The following SOX4 variants were observed in gnomAD, a reference collection of about 807,000 sequenced individuals.
The protein encoded by SOX4 is SRY-box transcription factor 4, also known as transcription factor SOX-4.
For missense variants in SOX4, 662 were observed against 694.9 expected (o/e 0.95, Z 0.53); for synonymous variants, 465 against 348.4 (o/e 1.33, Z -3.73).
In SOX4 at chr6:21,596,087, G is replaced by C; in HGVS notation, c.*128G>C. The C allele has an allele frequency of 7.4e-7, 1 of 1,353,768 alleles. No individual in the cohort carries two copies. The highest frequency in any genetic ancestry group is 9.6e-7 in the Non-Finnish European group (1 of 1,045,246). The allele number at this position is 1,353,768 out of a possible 1,614,324, so 83.9% of individuals were successfully genotyped here. On this transcript the variant is annotated 3_prime_UTR_variant, in exon 1 of 1. Coordinates refer to ENST00000244745, the MANE Select transcript of SOX4 (RefSeq NM_003107.3). ...GGAAAAAAGAAAGAAAAAGTAAGCA[G>C]GGCTGGCTTCGCCCGCGTTCTCGTC... is the stretch of plus-strand genomic sequence containing the variant.
Position 21,595,674 on chromosome 6 carries a change from C to G in SOX4, c.1140C>G (p.Ser380=). The G allele has an allele frequency of 6.4e-7, 1 of 1,563,234 alleles. No homozygotes were observed. The highest frequency in any genetic ancestry group is 2.4e-5 in the East Asian group (1 of 41,382). The change falls in exon 1 of 1, where the codon TCC becomes TCG. Residue 380 remains serine, a synonymous_variant. Coordinates refer to ENST00000244745, the MANE Select transcript of SOX4 (RefSeq NM_003107.3). ...CCAGCGCGCCCTCGCACGCGTCCTC[C>G]TCGGCCTCGTCCCACTCCTCCTCTT... ...APSSAPSHAS[S]SASSHSSSSS...
Position 21,597,003 on chromosome 6 carries a change from A to ATTT in SOX4, c.*1049_*1051dup, listed in dbSNP as rs1447830264. On this transcript the variant is annotated 3_prime_UTR_variant, in exon 1 of 1. Coordinates refer to ENST00000244745, the MANE Select transcript of SOX4 (RefSeq NM_003107.3). Reference sequence around the variant, plus strand: ...AAAGAAAAAAAAAGAAAAAAAAAAGATTTTTTTCTTCTCTTAATCGGAATC... The same window carrying ATTT: ...AAAGAAAAAAAAAGAAAAAAAAAAGATTTTTTTTTTCTTCTCTTAATCGGAATC... The ATTT allele has an allele frequency of 1.2e-5, 2 of 166,004 alleles. No individual in the cohort carries two copies. The highest frequency in any genetic ancestry group is 2.9e-5 in the Non-Finnish European group (2 of 67,952). The allele number at this position is 166,004 out of a possible 1,614,324, so 10.3% of individuals were successfully genotyped here.
Position 21,594,564 on chromosome 6 carries a change from C to G in SOX4, c.30C>G (p.Asn10Lys), listed in dbSNP as rs1561756825. The change falls in exon 1 of 1, where the codon AAC (asparagine) becomes AAG (lysine). Residue 10 changes from asparagine (N) to lysine (K), a missense_variant. By Grantham distance (94) the Asn-to-Lys change is moderately conservative (BLOSUM62 0). Coordinates refer to ENST00000244745, the MANE Select transcript of SOX4 (RefSeq NM_003107.3). The part of the protein sequence containing the change: MVQQTNNAE[N>K]TEALLAGESS... ...TGCAGCAAACCAACAATGCCGAGAA[C>G]ACGGAAGCGCTGCTGGCCGGCGAGA... The G allele has an allele frequency of 6.2e-7, 1 of 1,607,036 alleles. No homozygotes were observed. The highest frequency in any genetic ancestry group is 1.1e-5 in the South Asian group (1 of 90,590).
rs566769836 is a variant in SOX4 at position 21,598,153 on chromosome 6, C to T, written c.*2194C>T. On this transcript the variant is annotated 3_prime_UTR_variant, in exon 1 of 1. Transcript: ENST00000244745. ...GACACTATGTACTGCGTTTTTCATTCTTGTATTTGACTATTTAATCCTTTC... is the reference window on the plus strand; with the variant it reads ...GACACTATGTACTGCGTTTTTCATTTTTGTATTTGACTATTTAATCCTTTC... 1 of 166,858 alleles carries T rather than the reference C, an allele frequency of 6.0e-6. No individual in the cohort carries two copies. The highest frequency in any genetic ancestry group is 2.1e-4 in the South Asian group (1 of 4,818). The allele number at this position is 166,858 out of a possible 1,614,324, so 10.3% of individuals were successfully genotyped here. A position where few individuals can be genotyped will look rare whatever the true frequency, so the allele number is the denominator to read the frequency against.
rs1003814845 is a variant in SOX4 at position 21,596,675 on chromosome 6, A to AGG, written c.*717_*718dup. 1 of 166,798 alleles carries AGG rather than the reference A, an allele frequency of 6.0e-6. No homozygotes were observed. The highest frequency in any genetic ancestry group is 2.4e-5 in the African/African-American group (1 of 41,278). The allele number at this position is 166,798 out of a possible 1,614,324, so 10.3% of individuals were successfully genotyped here. A position where few individuals can be genotyped will look rare whatever the true frequency, so the allele number is the denominator to read the frequency against. ...CGGAGGAGGAGATGTTGAGGGGAGGAGGCCAGCCAGTGTGACCGGCGCTAG... is the reference window on the plus strand; with the variant it reads ...CGGAGGAGGAGATGTTGAGGGGAGGAGGGGCCAGCCAGTGTGACCGGCGCTAG... On this transcript the variant is annotated 3_prime_UTR_variant, in exon 1 of 1. Transcript: ENST00000244745.
rs1444933804 is a variant in SOX4 at position 21,597,200 on chromosome 6, T to A, written c.*1241T>A. The A allele has an allele frequency of 1.2e-5, 2 of 166,860 alleles. No homozygotes were observed. The highest frequency in any genetic ancestry group is 4.8e-5 in the African/African-American group (2 of 41,414). 10.3% of individuals were successfully genotyped at this position (166,860 alleles called of 1,614,324 possible). On this transcript the variant is annotated 3_prime_UTR_variant, in exon 1 of 1. Transcript: ENST00000244745. ...TCCTACAACGAAATTATCACCAGCT[T>A]TTTTTCATTCTTAACTCTTTAAAGG...
In SOX4 at chr6:21,596,019, A is replaced by G; in HGVS notation, c.*60A>G. 10 of 1,440,560 alleles carry G rather than the reference A, an allele frequency of 6.9e-6. No homozygotes were observed. Among genetic ancestry groups the G allele is most frequent in the South Asian group, 3.0e-5 (2 of 66,810 alleles). The allele number at this position is 1,440,560 out of a possible 1,614,324, so 89.2% of individuals were successfully genotyped here. A position where few individuals can be genotyped will look rare whatever the true frequency, so the allele number is the denominator to read the frequency against. On this transcript the variant is annotated 3_prime_UTR_variant, in exon 1 of 1. Coordinates refer to ENST00000244745, the MANE Select transcript of SOX4 (RefSeq NM_003107.3). ...TAGGAGAGGAGAAAAAAAAAGTGAA[A>G]AAAAGAAACGAAAAGGACAGACGAA...
In SOX4 at chr6:21,594,149, C is replaced by A; in HGVS notation, c.-386C>A. 1 of 187,390 alleles carries A rather than the reference C, an allele frequency of 5.3e-6. No homozygotes were observed. Among genetic ancestry groups the A allele is most frequent in the Non-Finnish European group, 1.1e-5 (1 of 91,962 alleles). The allele number at this position is 187,390 out of a possible 1,614,324, so 11.6% of individuals were successfully genotyped here. A position where few individuals can be genotyped will look rare whatever the true frequency, so the allele number is the denominator to read the frequency against. On this transcript the variant is annotated 5_prime_UTR_variant, in exon 1 of 1. The change creates a new upstream start codon in the 5' untranslated region. Transcript: ENST00000244745. Reference sequence around the variant, plus strand: ...AGAAAAAAAAAAAAAAAAGACTTGCCTGGGAGGCCGCGAGAAACTTGCATT... The same window carrying A: ...AGAAAAAAAAAAAAAAAAGACTTGCATGGGAGGCCGCGAGAAACTTGCATT...
At position 21,596,973 on chromosome 6, in the gene SOX4, G is replaced by GAAAAAAAGAA. The variant is rs1245588810; in HGVS notation, c.*1032_*1041dup. The GAAAAAAAGAA allele has an allele frequency of 6.5e-6, 1 of 154,170 alleles. No individual in the cohort carries two copies. Among genetic ancestry groups the GAAAAAAAGAA allele is most frequent in the African/African-American group, 2.7e-5 (1 of 37,712 alleles). The allele number at this position is 154,170 out of a possible 1,614,324, so 9.6% of individuals were successfully genotyped here. On this transcript the variant is annotated 3_prime_UTR_variant, in exon 1 of 1. Transcript: ENST00000244745. Reference sequence around the variant, plus strand: ...GCGAGTGGTTTCGGAAAAAAAAAAAGAAAAAAAGAAAAAAAAAGAAAAAAA... The same window carrying GAAAAAAAGAA: ...GCGAGTGGTTTCGGAAAAAAAAAAAGAAAAAAAGAAAAAAAAAGAAAAAAAAAGAAAAAAA...
rs1164531487 is a variant in SOX4, at chr6:21,594,272, CGA to C, written c.-255_-254del. 9 of 369,984 alleles carry C rather than the reference CGA, an allele frequency of 2.4e-5. No homozygotes were observed. The highest frequency in any genetic ancestry group is 2.4e-4 in the Admixed American group (5 of 20,938). 22.9% of individuals were successfully genotyped at this position (369,984 alleles called of 1,614,324 possible). On this transcript the variant is annotated 5_prime_UTR_variant, in exon 1 of 1. Transcript: ENST00000244745. ...AGCAAACTGCAGCGCGGTGAGAGAG[CGA>C]GAGAGAGGGAGAGAGAGACTCTCCA...
chr6:21,597,594 GTTTTAAC>G lies in SOX4; in HGVS notation c.*1642_*1648del, dbSNP rs1258218293. 7.7e-6 allele frequency: 1 copy of G among 129,324 alleles called. No individual in the cohort carries two copies. The highest frequency in any genetic ancestry group is 1.7e-5 in the Non-Finnish European group (1 of 58,848). 8.0% of individuals were successfully genotyped at this position (129,324 alleles called of 1,614,324 possible). The stretch of plus-strand genomic sequence containing the variant: ...ACGTCTCCTTCACTGAAGGGCTAGA[GTTTTAAC>G]TTTTAATTTTTTATATTTAAATGTA... On this transcript the variant is annotated 3_prime_UTR_variant, in exon 1 of 1. Transcript: ENST00000244745.
rs1763103881 is a variant in SOX4 at position 21,595,009 on chromosome 6, GGTGGCA to G, written c.481_486del (p.Ser161_Gly162del). Reference sequence around the variant, plus strand: ...GCCGGGGGAGAAGGGAGACAAGGTCGGTGGCAGTGGCGGGGGCGGCCATGGGGGCGG... The same window carrying G: ...GCCGGGGGAGAAGGGAGACAAGGTCGGTGGCGGGGGCGGCCATGGGGGCGG... On this transcript the variant is annotated inframe_deletion, in exon 1 of 1. Coordinates refer to ENST00000244745, the MANE Select transcript of SOX4 (RefSeq NM_003107.3). 2.0e-6 allele frequency: 3 copies of G among 1,523,702 alleles called. No homozygotes were observed. The highest frequency in any genetic ancestry group is 2.6e-6 in the Non-Finnish European group (3 of 1,137,580). The allele number at this position is 1,523,702 out of a possible 1,614,324, so 94.4% of individuals were successfully genotyped here.
rs747430686 is a variant in SOX4 at position 21,595,964 on chromosome 6, C to A, written c.*5C>A. 4 of 1,483,296 alleles carry A rather than the reference C, an allele frequency of 2.7e-6. No individual in the cohort carries two copies. Among genetic ancestry groups the A allele is most frequent in the Non-Finnish European group, 2.7e-6 (3 of 1,106,918 alleles). 91.9% of individuals were successfully genotyped at this position (1,483,296 alleles called of 1,614,324 possible). ...AACCTGGTTTTCACCTACTGAAGGG[C>A]GCGCAGGCAGGGAGAAGGGCCGGGG... On this transcript the variant is annotated 3_prime_UTR_variant, in exon 1 of 1. Coordinates refer to ENST00000244745, the MANE Select transcript of SOX4 (RefSeq NM_003107.3).
rs1763095574 is a variant in SOX4, at chr6:21,594,585, C to T, written c.51C>T (p.Gly17=). 1.2e-6 allele frequency: 2 copies of T among 1,608,740 alleles called. No individual in the cohort carries two copies. Among genetic ancestry groups the T allele is most frequent in the African/African-American group, 2.7e-5 (2 of 74,856 alleles). The change falls in exon 1 of 1, where the codon GGC becomes GGT. Residue 17 remains glycine, a synonymous_variant. Coordinates refer to ENST00000244745, the MANE Select transcript of SOX4 (RefSeq NM_003107.3). ...AGAACACGGAAGCGCTGCTGGCCGG[C>T]GAGAGCTCGGACTCGGGCGCCGGCC... is the stretch of plus-strand genomic sequence containing the variant. The part of the protein sequence containing the change: ...NAENTEALLA[G]ESSDSGAGLE...
At position 21,595,320 on chromosome 6, in the gene SOX4, G is replaced by GCGGACTCCCAGCGCCT; in HGVS notation, c.790_805dup (p.Ala269AspfsTer152). 1 of 1,479,222 alleles carries GCGGACTCCCAGCGCCT rather than the reference G, an allele frequency of 6.8e-7. No individual in the cohort carries two copies. The highest frequency in any genetic ancestry group is 8.9e-7 in the Non-Finnish European group (1 of 1,120,892). 91.6% of individuals were successfully genotyped at this position (1,479,222 alleles called of 1,614,324 possible). ...CCGACCACCACTCGCTGTACAAGGC[G>GCGGACTCCCAGCGCCT]CGGACTCCCAGCGCCTCGGCCTCCG... On this transcript the variant is annotated frameshift_variant, in exon 1 of 1. Coordinates refer to ENST00000244745, the MANE Select transcript of SOX4 (RefSeq NM_003107.3). LOFTEE classifies it low-confidence loss of function (END_TRUNC).
Position 21,595,822 on chromosome 6 carries a change from C to G in SOX4, c.1288C>G (p.Arg430Gly). The part of the protein sequence containing the change: ...GSFSSSSALD[R>G]DLDFNFEPGS... ...CTTCAGTTCGTCGTCGGCGCTCGAC[C>G]GGGACCTGGATTTTAACTTCGAGCC... The change falls in exon 1 of 1, where the codon CGG becomes GGG. Residue 430 changes from arginine to glycine, a missense_variant. By Grantham distance (125) the Arg-to-Gly change is moderately radical. Transcript: ENST00000244745. 2 of 1,613,288 alleles carry G rather than the reference C, an allele frequency of 1.2e-6. No individual in the cohort carries two copies. Among genetic ancestry groups the G allele is most frequent in the Non-Finnish European group, 8.5e-7 (1 of 1,179,928 alleles).
At position 21,595,344 on chromosome 6, in the gene SOX4, C is replaced by G. The variant is rs769775621; in HGVS notation, c.810C>G (p.Ser270=). The change falls in exon 1 of 1, where the codon TCC becomes TCG. Residue 270 remains serine (S), a synonymous_variant. Coordinates refer to ENST00000244745, the MANE Select transcript of SOX4 (RefSeq NM_003107.3). ...CGCGGACTCCCAGCGCCTCGGCCTC[C>G]GCCTCCTCGGCAGCCTCGGCCTCCG... ...YKARTPSASA[S]ASSAASASAA... The G allele has an allele frequency of 1.1e-5, 16 of 1,510,716 alleles. No homozygotes were observed. Among genetic ancestry groups the G allele is most frequent in the Middle Eastern group, 1.9e-4 (1 of 5,366 alleles). The allele number at this position is 1,510,716 out of a possible 1,614,324, so 93.6% of individuals were successfully genotyped here.
rs1451461831 is a variant in SOX4 at position 21,594,264 on chromosome 6, TGAGAGAGCGA to T, written c.-263_-254del. The T allele has an allele frequency of 2.0e-5, 7 of 352,334 alleles. No individual in the cohort carries two copies. The highest frequency in any genetic ancestry group is 9.7e-5 in the Admixed American group (2 of 20,588). 21.8% of individuals were successfully genotyped at this position (352,334 alleles called of 1,614,324 possible). A position where few individuals can be genotyped will look rare whatever the true frequency, so the allele number is the denominator to read the frequency against. ...CGAGAGACAGCAAACTGCAGCGCGG[TGAGAGAGCGA>T]GAGAGAGGGAGAGAGAGACTCTCCA... is the stretch of plus-strand genomic sequence containing the variant. On this transcript the variant is annotated 5_prime_UTR_variant, in exon 1 of 1. Coordinates refer to ENST00000244745, the MANE Select transcript of SOX4 (RefSeq NM_003107.3).
At position 21,593,752 on chromosome 6, in the gene SOX4, C is replaced by T. The variant is rs1009880029; in HGVS notation, c.-783C>T. 3.3e-5 allele frequency: 5 copies of T among 152,274 alleles called. No homozygotes were observed. The highest frequency in any genetic ancestry group is 1.2e-4 in the African/African-American group (5 of 41,432). The allele number at this position is 152,274 out of a possible 1,614,324, so 9.4% of individuals were successfully genotyped here. ...AGGCGCGAGGCGGAATTGGGGTCTG[C>T]TCTAAGCTGCAGCAAGAGAAACTGT... is the stretch of plus-strand genomic sequence containing the variant. On this transcript the variant is annotated 5_prime_UTR_variant, in exon 1 of 1. Transcript: ENST00000244745.
Sources: allele counts gnomAD v4.1 joint callset, GRCh38; gene constraint gnomAD v4.1.1; transcripts MANE v1.5; gene names NCBI Gene and HGNC (gene_info 2026-07-23, HGNC 2026-07-21).